Variants in FOXN3 observed in about 807,000 individuals in gnomAD.
FOXN3 encodes forkhead box protein N3.
Under a neutral mutation model 38.4 loss-of-function variants are expected in FOXN3, and 7 were observed. The ratio of observed to expected loss-of-function variants is 0.18; its 90% CI spans 0.10 to 0.34. The LOEUF is 0.34. FOXN3 is among the 10% of genes least tolerant of loss of function. The pLI, the probability that FOXN3 is intolerant of heterozygous loss-of-function variation, is 1.00. For synonymous variants in FOXN3, 230 were observed against 242.2 expected (o/e 0.95, Z 0.47); for missense variants, 456 against 613.4 (o/e 0.74, Z 2.71).
rs467113 is a variant in FOXN3, at chr14:89,605,238, T to A, written c.-15+13790A>T. ...AACGAAACCTAAATTGGTAGAGCAG[T>A]GATTGGAGTTAAGTGGTCTAAGGTC... On this transcript the variant is annotated intron_variant, in intron 1 of 6. Transcript: ENST00000345097. 6.0e-3 allele frequency among the ~76,000 whole-genome samples: 917 copies of A among 152,236 alleles called. 8 individuals are homozygous for A. The highest frequency in any genetic ancestry group is 0.051 in the East Asian group (262 of 5,180).
intron 2 of FOXN3, among the ~76,000 whole-genome samples, chr14:89,404,330 C>T (rs866267452): frequency 6.6e-6 from 1 of 151,608 alleles, no homozygotes; most frequent in Non-Finnish European, 1.5e-5. Flanking sequence ...CAACAAACAC[C>T]CTGTCTCCAC....
At chr14:89,336,250 T>TCCATCCATCCATC (rs1566960019) in intron 3 of FOXN3, among the ~76,000 whole-genome samples, 27 of 6,690 alleles carry the variant, frequency 4.0e-3, no homozygotes, top group Admixed American at 0.023. Context: ...ATCCATCCAT[T>TCCATCCATCCATC]CATCCATCCA....
At chr14:89,356,954 G>A (rs774258770) in intron 2 of FOXN3, among the ~76,000 whole-genome samples, 2 of 152,192 alleles carry the variant, frequency 1.3e-5, no homozygotes, top group Non-Finnish European at 2.9e-5. Context: ...GCTGGAAGTG[G>A]CAAGAGCACC....
At chr14:89,366,160 G>A (rs1025860787) in intron 2 of FOXN3, among the ~76,000 whole-genome samples, 2 of 152,128 alleles carry the variant, frequency 1.3e-5, no homozygotes, top group African/African-American at 4.8e-5. Flanking sequence ...GGCTGAGGCA[G>A]GAGAATGGCA....
At chr14:89,439,924 G>T (rs1026722363) in intron 1 of FOXN3, among the ~76,000 whole-genome samples, 1 of 152,116 alleles carries the variant, frequency 6.6e-6, no homozygotes, top group African/African-American at 2.4e-5. Context: ...AAAGTGCTGG[G>T]ATTACAGGCG....
rs183549054 is a variant in FOXN3 at position 89,536,552 on chromosome 14, C to A, written c.-15+82476G>T. Among the ~76,000 whole-genome samples, 291 of 152,200 alleles carry A rather than the reference C, an allele frequency of 1.9e-3. 1 individual carries two copies. The highest frequency in any genetic ancestry group is 3.5e-3 in the Non-Finnish European group (237 of 67,984). On this transcript the variant is annotated intron_variant, in intron 1 of 6. Transcript: ENST00000345097. The stretch of plus-strand genomic sequence containing the variant: ...ATCCCAGCACTTTGGGAGGCCGAGG[C>A]GGGCGGATCACGAGGTCAGGAGTTC...
chr14:89,219,979 C>G (rs573572762), intron 4 of FOXN3, among the ~76,000 whole-genome samples: 1 of 152,104 alleles, frequency 6.6e-6, no homozygotes, highest in Non-Finnish European at 1.5e-5. Context: ...CTGCAGTTGA[C>G]TATTTTTTTA....
chr14:89,498,659 T>C (rs142459175), intron 1 of FOXN3, among the ~76,000 whole-genome samples: 72 of 152,134 alleles, frequency 4.7e-4, no homozygotes, highest in Middle Eastern at 3.4e-3. Flanking sequence ...CACGCTACTG[T>C]TGGGTGAAAG....
chr14:89,251,332 T>C (rs903567951), intron 4 of FOXN3, among the ~76,000 whole-genome samples: 1 of 152,212 alleles, frequency 6.6e-6, no homozygotes, highest in African/African-American at 2.4e-5. Context: ...CTGCCTAGAA[T>C]CCTTTACCAG....
intron 4 of FOXN3, among the ~76,000 whole-genome samples, chr14:89,201,354 C>T (rs1014969744): frequency 5.3e-5 from 8 of 152,204 alleles, no homozygotes; most frequent in Non-Finnish European, 1.0e-4. Context: ...AATGCCGAAG[C>T]CCTCTAGAGT....
chr14:89,310,848 T>C (rs969592531), intron 3 of FOXN3, among the ~76,000 whole-genome samples: 2 of 152,144 alleles, frequency 1.3e-5, no homozygotes, highest in African/African-American at 4.8e-5. Flanking sequence ...GGCTCACACC[T>C]GTAATCCCAG....
chr14:89,273,215 C>T (rs369417197), intron 4 of FOXN3, among the ~76,000 whole-genome samples: 12 of 152,216 alleles, frequency 7.9e-5, no homozygotes, highest in East Asian at 5.8e-4. Flanking sequence ...GCTTCCTCCC[C>T]GCCCTGATTC....
intron 1 of FOXN3, among the ~76,000 whole-genome samples, chr14:89,517,458 T>C (rs548384669): frequency 6.6e-6 from 1 of 151,700 alleles, no homozygotes; most frequent in South Asian, 2.1e-4. Context: ...CTTTCAATCA[T>C]GGCCGAAGGC....
intron 1 of FOXN3, among the ~76,000 whole-genome samples, chr14:89,616,651 T>A (rs973492749): frequency 2.6e-5 from 4 of 151,826 alleles, no homozygotes; most frequent in African/African-American, 9.7e-5. Context: ...CCCCGATGAA[T>A]CCTCATCCAC....
intron 1 of FOXN3, among the ~76,000 whole-genome samples, chr14:89,450,427 G>A (rs1892591337): frequency 6.6e-6 from 1 of 152,136 alleles, no homozygotes; most frequent in South Asian, 2.1e-4. Flanking sequence ...AGTATAAAAT[G>A]TGCCTCCGTA....
intron 1 of FOXN3, among the ~76,000 whole-genome samples, chr14:89,414,776 CT>C (rs1891649344): frequency 6.6e-6 from 1 of 152,110 alleles, no homozygotes; most frequent in Admixed American, 6.5e-5. Context: ...TGGTCTCAAT[CT>C]CTTGATCTCG....
chr14:89,609,318 C>G (rs1309601750), intron 1 of FOXN3, among the ~76,000 whole-genome samples: 2 of 152,080 alleles, frequency 1.3e-5, no homozygotes, highest in African/African-American at 4.8e-5. Context: ...CCTCCCACAT[C>G]AAGCCTCCCG....
At chr14:89,364,371 TTTTTGTTTTTG>T (rs1036679175) in intron 2 of FOXN3, 1 of 151,438 alleles carries the variant, frequency 6.6e-6, no homozygotes, top group African/African-American at 2.4e-5. Context: ...TTTGTTTTTG[TTTTTGTTTTTG>T]TTTTTTTTCA....
Position 89,577,977 on chromosome 14 carries a change from AAG to A in FOXN3, c.-15+41049_-15+41050del, listed in dbSNP as rs1895669798. 2.0e-5 allele frequency among the ~76,000 whole-genome samples: 3 copies of A among 152,352 alleles called. No individual in the cohort carries two copies. In the South Asian group the frequency reaches 6.2e-4, roughly 32 times the overall value. ...AAATCATGTGAACTTCCAGTGGAAA[AAG>A]AGAAATCTTCCCTTGGTGGATTTGC... On this transcript the variant is annotated intron_variant, in intron 1 of 6. Transcript: ENST00000345097.
Sources: allele counts gnomAD v4.1 joint callset (sites outside exome capture counted in the v4.1 genomes callset), GRCh38; gene constraint gnomAD v4.1.1; transcripts MANE v1.5; gene names NCBI Gene and HGNC (gene_info 2026-07-23, HGNC 2026-07-21).